Variants in PI4K2A observed in about 807,000 individuals in gnomAD.
PI4K2A encodes phosphatidylinositol 4-kinase type 2-alpha.
A neutral mutation model predicts 55.0 loss-of-function variants in PI4K2A; 20 were observed. The ratio of observed to expected loss-of-function variants is 0.36; its 90% CI spans 0.26 to 0.53. The LOEUF is 0.53. Ranked by LOEUF, PI4K2A falls within the 20% of genes least tolerant of loss-of-function variation. The probability of loss-of-function intolerance (pLI) is 0.91; values close to 1 mark genes in which losing one functional copy is unlikely to be tolerated. For missense variants in PI4K2A, 463 were observed against 637.1 expected (o/e 0.73, Z 2.94); for synonymous variants, 235 against 258.5 (o/e 0.91, Z 0.87).
At chr10:97,657,188 T>G (rs1005024858) in intron 4 of PI4K2A, among the ~76,000 whole-genome samples, 9 of 152,186 alleles carry the variant, frequency 5.9e-5, no homozygotes, top group African/African-American at 2.2e-4. Context: ...CAAAGCACTG[T>G]GAAGAGTACT....
At chr10:97,666,407 C>T (rs1338551545) in intron 6 of PI4K2A, 31 bp from the exon 7 acceptor site, 2 of 1,603,414 alleles carry the variant, frequency 1.2e-6, no homozygotes, top group South Asian at 2.2e-5. Flanking sequence ...TTTCCAACAC[C>T]AGCTTTGCCT....
chr10:97,663,839 A>G (rs1487536502), intron 5 of PI4K2A, among the ~76,000 whole-genome samples: 1 of 151,092 alleles, frequency 6.6e-6, no homozygotes, highest in Non-Finnish European at 1.5e-5. Flanking sequence ...AAAAAAAAAA[A>G]AAAAAAAGAG....
rs1317084076 is a variant in PI4K2A, at chr10:97,656,399, A to G, written c.751A>G (p.Ile251Val). Reference sequence around the variant, plus strand: ...AAAAGTTGGACAGCGGTTTAACCGCATCGGGCTACCACCAAAGGTATAGAC... The same window carrying G: ...AAAAGTTGGACAGCGGTTTAACCGCGTCGGGCTACCACCAAAGGTATAGAC... Residue 251 changes from isoleucine (I) to valine (V), a missense_variant, in exon 3 of 9, where the codon ATC (isoleucine) becomes GTC (valine). Around this residue, in one of 2 missense-constraint regions of PI4K2A, gnomAD observed 277 missense variants for 432.6 expected, o/e 0.64. Transcript: ENST00000370631. This position sits in a 1 kb window ranked among gnomAD's most constrained non-coding sequence, Gnocchi z 4.5. 27 of 1,614,032 alleles carry G rather than the reference A, an allele frequency of 1.7e-5. No homozygotes were observed. Among genetic ancestry groups the G allele is most frequent in the Non-Finnish European group, 2.3e-5 (27 of 1,180,024 alleles).
chr10:97,672,511 G>A (rs539133348), intron 8 of PI4K2A, among the ~76,000 whole-genome samples: 128 of 152,052 alleles, frequency 8.4e-4, no homozygotes, highest in African/African-American at 2.8e-3. Context: ...CATTGTGATC[G>A]CTTCTTTGCC....
chr10:97,672,785 A>G, intron 8 of PI4K2A, among the ~76,000 whole-genome samples: 1 of 118,786 alleles, frequency 8.4e-6, no homozygotes, highest in Non-Finnish European at 1.6e-5. Context: ...AGGCTGGAGT[A>G]CGGTGACATG....
At chr10:97,650,310 G>A (rs901949925) in intron 1 of PI4K2A, among the ~76,000 whole-genome samples, 3 of 125,858 alleles carry the variant, frequency 2.4e-5, no homozygotes, top group South Asian at 2.4e-4. Flanking sequence ...ACAGGGTCTC[G>A]TTTGGTCGCC....
At chr10:97,666,711 C>T in intron 7 of PI4K2A, 140 bp downstream of exon 7, 2 of 715,194 alleles carry the variant, frequency 2.8e-6, no homozygotes, top group Non-Finnish European at 4.5e-6. Flanking sequence ...GCAAGATTTC[C>T]ACATGTGGAC....
intron 2 of PI4K2A, among the ~76,000 whole-genome samples, chr10:97,654,840 AT>A (rs921379160): frequency 6.6e-6 from 1 of 151,934 alleles, no homozygotes; most frequent in Non-Finnish European, 1.5e-5. Flanking sequence ...GCTCATAAAA[AT>A]TTTTTTTAGA....
rs1416545959 is a variant in PI4K2A at position 97,642,929 on chromosome 10, CTTTCCTTT to C, written c.435+1753_435+1760del. Among the ~76,000 whole-genome samples the C allele has an allele frequency of 1.1e-3, 142 of 124,596 alleles. 3 individuals carry two copies. The highest frequency in any genetic ancestry group is 5.1e-3 in the African/African-American group (140 of 27,722). The allele number at this position is 124,596 out of a possible 152,430, so 81.7% of individuals were successfully genotyped here. ...CCTTCCTTCCTTCCTTCCTTCCTTTCTTTCCTTTCTTTCTTTCTCTTTCTTTCTTTTTC... is the reference window on the plus strand; with the variant it reads ...CCTTCCTTCCTTCCTTCCTTCCTTTCCTTTCTTTCTCTTTCTTTCTTTTTC... On this transcript the variant is annotated intron_variant, in intron 1 of 8. Coordinates refer to ENST00000370631, the Ensembl canonical transcript of PI4K2A.
At chr10:97,657,385 A>G (rs1260403719) in intron 4 of PI4K2A, among the ~76,000 whole-genome samples, 1 of 152,150 alleles carries the variant, frequency 6.6e-6, no homozygotes, top group African/African-American at 2.4e-5. Flanking sequence ...CTTTAAATTC[A>G]GGCTGGATGT....
intron 8 of PI4K2A, among the ~76,000 whole-genome samples, chr10:97,669,068 G>C (rs928580150): frequency 6.6e-6 from 1 of 152,180 alleles, no homozygotes; most frequent in South Asian, 2.1e-4. Context: ...GTTTCACCAT[G>C]TTGGCCAGGG....
In PI4K2A at chr10:97,656,522, C is replaced by G. The variant is rs2041555673; in HGVS notation, c.768+106C>G. ...ACTCAAATATGGGCACGTGAATAAC[C>G]TGCCCTGAGGATCCTGTCTTCCTTA... On this transcript the variant is annotated intron_variant, in intron 3 of 8. Transcript: ENST00000370631. The surrounding 1 kb of genome is among the most constrained non-coding windows in gnomAD (Gnocchi z 4.5). 4 of 1,071,400 alleles carry G rather than the reference C, an allele frequency of 3.7e-6. No homozygotes were observed. The highest frequency in any genetic ancestry group is 4.2e-6 in the Non-Finnish European group (3 of 720,840). 66.4% of individuals were successfully genotyped at this position (1,071,400 alleles called of 1,614,324 possible).
chr10:97,645,094 CT>C (rs2041498668), intron 1 of PI4K2A, among the ~76,000 whole-genome samples: 1 of 152,074 alleles, frequency 6.6e-6, no homozygotes. Flanking sequence ...GTTTTTTGAG[CT>C]TTTTCTCTTT....
chr10:97,675,954 T>A (rs1589941203), exon 9 of PI4K2A: 3 of 152,582 alleles, frequency 2.0e-5, no homozygotes, highest in South Asian at 4.1e-4. Context: ...GCTGCGAGAG[T>A]GTTGCTGCCC....
intron 1 of PI4K2A, among the ~76,000 whole-genome samples, chr10:97,646,430 T>G (rs1589931687): frequency 6.6e-6 from 1 of 151,972 alleles, no homozygotes; most frequent in Non-Finnish European, 1.5e-5. Context: ...TTGGCCAGGG[T>G]GGTCTCAAAC....
At chr10:97,640,827 C>A in exon 1 of PI4K2A, 1 of 1,434,184 alleles carries the variant, frequency 7.0e-7, no homozygotes, top group Non-Finnish European at 9.2e-7. Flanking sequence ...CGCTCACTTT[C>A]CGCAGGTGCC....
chr10:97,676,187 TC>T (rs367644558), exon 9 of PI4K2A: 54 of 152,290 alleles, frequency 3.5e-4, no homozygotes, highest in African/African-American at 1.2e-3. Flanking sequence ...TAAAGGATGA[TC>T]CAGGTCCTCA....
intron 2 of PI4K2A, among the ~76,000 whole-genome samples, chr10:97,652,929 C>T (rs550686198): frequency 5.9e-5 from 9 of 152,294 alleles, no homozygotes; most frequent in South Asian, 2.1e-4. Context: ...TTAGGTCTAG[C>T]GAGAAAATGT....
At chr10:97,668,593 G>A (rs2041620853) in intron 8 of PI4K2A, among the ~76,000 whole-genome samples, 3 of 152,002 alleles carry the variant, frequency 2.0e-5, no homozygotes, top group Admixed American at 6.6e-5. Context: ...AATAATAATG[G>A]TACCCACCTT....
Sources: gnomAD v4.1 joint callset for allele counts (sites outside exome capture counted in the v4.1 genomes callset) on GRCh38, gnomAD v4.1.1 for gene constraint, gnomAD v4.1.1 regional missense constraint, Gnocchi (gnomAD v3.1) non-coding constraint, MANE v1.5 for transcripts, NCBI Gene and HGNC (gene_info 2026-07-23, HGNC 2026-07-21) for gene names.